FAM83B: variants seen among roughly 807,000 people sequenced by gnomAD.
FAM83B encodes the protein scaffolding CK1 anchoring protein B.
Under a neutral mutation model 38.8 loss-of-function variants are expected in FAM83B, and 26 were observed. That is an observed-to-expected ratio of 0.67 (90% CI 0.49 to 0.93). The LOEUF is 0.93. Among genes scored for constraint, FAM83B ranks in the 40% least tolerant of loss-of-function variants. The pLI is 0.00. For missense variants in FAM83B, 1,237 were observed against 1,197.3 expected (o/e 1.03, Z -0.49); for synonymous variants, 419 against 423.1 (o/e 0.99, Z 0.12).
intron 2 of FAM83B, among the ~76,000 whole-genome samples, chr6:54,880,300 G>A (rs10948870): frequency 0.37 from 56,090 of 151,994 alleles, 11,474 homozygotes; most frequent in East Asian, 0.85. Context: ...TTTTCCACCT[G>A]TTTACTCTTT....
Position 54,940,208 on chromosome 6 carries a change from C to T in FAM83B, c.1237C>T (p.Pro413Ser). The change falls in exon 5 of 5, where the codon CCT becomes TCT. Residue 413 changes from proline (P) to serine (S), a missense_variant. Pro to Ser is a moderately conservative substitution (Grantham distance 74, BLOSUM62 -1). Transcript: ENST00000306858. ...NRALNRTNNP[P>S]GNWKKPSDSL... ...GGCTCTGAATAGAACCAATAATCCA[C>T]CTGGTAATTGGAAAAAGCCATCTGA... 6.2e-7 allele frequency: 1 copy of T among 1,614,022 alleles called. No homozygotes were observed. The highest frequency in any genetic ancestry group is 8.5e-7 in the Non-Finnish European group (1 of 1,179,992).
At chr6:54,905,077 C>T (rs1473321262) in intron 2 of FAM83B, among the ~76,000 whole-genome samples, 2 of 151,252 alleles carry the variant, frequency 1.3e-5, no homozygotes, top group African/African-American at 4.8e-5. Context: ...TTGCAGGGCA[C>T]CTAGTGGGAA....
chr6:54,891,576 G>A (rs1323405278), intron 2 of FAM83B, among the ~76,000 whole-genome samples: 2 of 152,146 alleles, frequency 1.3e-5, no homozygotes. Flanking sequence ...ATTAGCCTAT[G>A]TGATTCTAGC....
chr6:54,885,588 A>G (rs1417145471), intron 2 of FAM83B, among the ~76,000 whole-genome samples: 1 of 152,082 alleles, frequency 6.6e-6, no homozygotes, highest in Admixed American at 6.6e-5. Context: ...TTTCCAACCC[A>G]TATAACTTTC....
intron 2 of FAM83B, among the ~76,000 whole-genome samples, chr6:54,920,160 A>G (rs1773138597): frequency 6.6e-6 from 1 of 151,840 alleles, no homozygotes; most frequent in Admixed American, 6.6e-5. Flanking sequence ...ACTTCTTTAT[A>G]TCAGCCTCAT....
At chr6:54,896,808 A>G (rs181269531) in intron 2 of FAM83B, among the ~76,000 whole-genome samples, 1 of 152,354 alleles carries the variant, frequency 6.6e-6, no homozygotes, top group Non-Finnish European at 1.5e-5. Context: ...AAGGAAAACA[A>G]CAAAGATAAT....
chr6:54,896,081 A>G (rs1035264729), intron 2 of FAM83B, among the ~76,000 whole-genome samples: 1 of 151,998 alleles, frequency 6.6e-6, no homozygotes, highest in Non-Finnish European at 1.5e-5. Flanking sequence ...TAGTAGAGAC[A>G]GGGTTTCACC....
At chr6:54,894,078 G>A (rs890534016) in intron 2 of FAM83B, among the ~76,000 whole-genome samples, 1 of 152,156 alleles carries the variant, frequency 6.6e-6, no homozygotes, top group African/African-American at 2.4e-5. Context: ...TTTCCACTAG[G>A]TCCTTTATAT....
rs192546343 is a variant in FAM83B, at chr6:54,887,045, G to T, written c.444+16355G>T. 3.3e-5 allele frequency among the ~76,000 whole-genome samples: 5 copies of T among 152,152 alleles called. No individual in the cohort carries two copies. In the East Asian group the frequency reaches 9.6e-4, roughly 29 times the overall value. On this transcript the variant is annotated intron_variant, in intron 2 of 4. Coordinates refer to ENST00000306858, the MANE Select transcript of FAM83B (RefSeq NM_001010872.3). ...TTGAATTTTATTTGAATTATACTGT[G>T]ATCAGATAATTTACTCTGTATGACT...
At chr6:54,902,459 A>T (rs1410276226) in intron 2 of FAM83B, among the ~76,000 whole-genome samples, 1 of 152,116 alleles carries the variant, frequency 6.6e-6, no homozygotes. Context: ...TTCTGGGGTT[A>T]TGTTATTAGG....
chr6:54,887,718 A>G (rs1440560273), intron 2 of FAM83B, among the ~76,000 whole-genome samples: 2 of 126,284 alleles, frequency 1.6e-5, no homozygotes, highest in Non-Finnish European at 3.5e-5. Flanking sequence ...AAATTACATA[A>G]CTATTTAACT....
At chr6:54,852,772 A>G (rs571397753) in intron 1 of FAM83B, among the ~76,000 whole-genome samples, 12 of 152,332 alleles carry the variant, frequency 7.9e-5, no homozygotes, top group African/African-American at 2.9e-4. Flanking sequence ...CACACACATC[A>G]TGAGAGAGTA....
intron 1 of FAM83B, 85 bp from the exon 2 acceptor site, chr6:54,870,102 G>GA: frequency 1.6e-6 from 1 of 627,412 alleles, no homozygotes; most frequent in Non-Finnish European, 2.7e-6. Context: ...ATGTGTAAAT[G>GA]AAAAAATAAT....
intron 2 of FAM83B, among the ~76,000 whole-genome samples, chr6:54,916,352 GT>G (rs1773037855): frequency 6.6e-6 from 1 of 151,924 alleles, no homozygotes; most frequent in African/African-American, 2.4e-5. Flanking sequence ...CTGAGAAAAA[GT>G]TACCTACCAA....
chr6:54,890,532 T>TA (rs1772376028), intron 2 of FAM83B, among the ~76,000 whole-genome samples: 1 of 152,054 alleles, frequency 6.6e-6, no homozygotes, highest in South Asian at 2.1e-4. Flanking sequence ...TCAAAGAAAT[T>TA]AAGAGTCCAA....
rs1444840216 is a variant in FAM83B at position 54,927,552 on chromosome 6, A to C, written c.654A>C (p.Lys218Asn). 6.2e-7 allele frequency: 1 copy of C among 1,608,876 alleles called. No homozygotes were observed. The highest frequency in any genetic ancestry group is 1.3e-5 in the African/African-American group (1 of 74,806). Residue 218 changes from lysine to asparagine, a missense_variant, in exon 4 of 5, where the codon AAA becomes AAC. Physicochemically the swap from Lys to Asn is moderately conservative, Grantham distance 94 (BLOSUM62 0). Coordinates refer to ENST00000306858, the MANE Select transcript of FAM83B (RefSeq NM_001010872.3). ...TAAAAGGCCAAGATTATCTTTCAAA[A>C]ACAGGGGCAAAATTCCATGGAAAAA... ...RTVKGQDYLS[K>N]TGAKFHGKME...
At chr6:54,934,590 G>C (rs1411699392) in intron 4 of FAM83B, among the ~76,000 whole-genome samples, 5 of 152,148 alleles carry the variant, frequency 3.3e-5, no homozygotes, top group Admixed American at 3.3e-4. Context: ...ATGGGAAAGA[G>C]AGCTGAGGGT....
chr6:54,870,366 A>T lies in FAM83B; in HGVS notation c.120A>T (p.Leu40Phe). ...TTGATATTCTGATTGAACACGGGTTAGAAGCATACCAAGAATTTCTTGTCC... is the reference window on the plus strand; with the variant it reads ...TTGATATTCTGATTGAACACGGGTTTGAAGCATACCAAGAATTTCTTGTCC... ...VAIDILIEHG[L>F]EAYQEFLVQE... Residue 40 changes from leucine (L) to phenylalanine (F), a missense_variant, in exon 2 of 5, where the codon TTA (leucine) becomes TTT (phenylalanine). Physicochemically the swap from Leu to Phe is conservative, Grantham distance 22 (BLOSUM62 0). Coordinates refer to ENST00000306858, the MANE Select transcript of FAM83B (RefSeq NM_001010872.3). 1.2e-6 allele frequency: 2 copies of T among 1,614,074 alleles called. No homozygotes were observed. Among genetic ancestry groups the T allele is most frequent in the Non-Finnish European group, 1.7e-6 (2 of 1,179,954 alleles).
chr6:54,942,100 C>G lies in FAM83B; in HGVS notation c.*93C>G. On this transcript the variant is annotated 3_prime_UTR_variant, in exon 5 of 5. Transcript: ENST00000306858. ...ACATGCCAATAGATTTTCCTAAGGACAGAATTATGGGTATGATGTATATGT... is the reference window on the plus strand; with the variant it reads ...ACATGCCAATAGATTTTCCTAAGGAGAGAATTATGGGTATGATGTATATGT... The G allele has an allele frequency of 7.9e-7, 1 of 1,270,788 alleles. No individual in the cohort carries two copies. The highest frequency in any genetic ancestry group is 1.1e-6 in the Non-Finnish European group (1 of 926,698). 78.7% of individuals were successfully genotyped at this position (1,270,788 alleles called of 1,614,324 possible).
Sources: allele counts gnomAD v4.1 joint callset (sites outside exome capture counted in the v4.1 genomes callset), GRCh38; gene constraint gnomAD v4.1.1; transcripts MANE v1.5; gene names NCBI Gene and HGNC (gene_info 2026-07-23, HGNC 2026-07-21).